Variants in ODAD3 observed in about 807,000 individuals in gnomAD.
The protein encoded by ODAD3 is outer dynein arm docking complex subunit 3, also known as outer dynein arm-docking complex subunit 3.
A neutral mutation model predicts 70.9 loss-of-function variants in ODAD3; 57 were observed. The ratio of observed to expected loss-of-function variants is 0.80; its 90% CI spans 0.65 to 1.00. The LOEUF is 1.00. Among genes scored for constraint, ODAD3 ranks in the 50% least tolerant of loss-of-function variants. The pLI is 0.00. For synonymous variants in ODAD3, 327 were observed against 315.9 expected (o/e 1.04, Z -0.37); for missense variants, 797 against 763.9 (o/e 1.04, Z -0.51).
chr19:11,427,306 T>G (rs1219617097), intron 3 of ODAD3, among the ~76,000 whole-genome samples: 1 of 151,750 alleles, frequency 6.6e-6, no homozygotes, highest in East Asian at 1.9e-4. Flanking sequence ...TTTCGTTTTT[T>G]TTTTTTTAGA....
intron 7 of ODAD3, among the ~76,000 whole-genome samples, chr19:11,425,097 ATATATGTATATATGTG>A (rs1198976723): frequency 1.5e-5 from 2 of 132,310 alleles, no homozygotes; most frequent in Non-Finnish European, 3.1e-5. Flanking sequence ...ACATATGTGT[ATATATGTATATATGTG>A]TATATGTACA....
At chr19:11,424,531 G>A (rs11880475) in intron 7 of ODAD3, among the ~76,000 whole-genome samples, 1 of 131,052 alleles carries the variant, frequency 7.6e-6, no homozygotes, top group Non-Finnish European at 1.6e-5. Context: ...ATGTATATAT[G>A]TATATATGTG....
Position 11,422,504 on chromosome 19 carries a change from C to T in ODAD3, c.1401G>A (p.Glu467=), listed in dbSNP as rs774192251. 4 of 1,594,386 alleles carry T rather than the reference C, an allele frequency of 2.5e-6. No homozygotes were observed. Among genetic ancestry groups the T allele is most frequent in the Non-Finnish European group, 8.5e-7 (1 of 1,172,224 alleles). Residue 467 remains glutamate (E), a synonymous_variant, in exon 10 of 13, where the codon GAG becomes GAA. Coordinates refer to ENST00000356392, the MANE Select transcript of ODAD3 (RefSeq NM_145045.5). This position sits in a 1 kb window ranked among gnomAD's most constrained non-coding sequence, Gnocchi z 4.6. ...TGTGGATCAGCTTGCTGGCCAGGTGCTCCAGGCTGTCCTTGGCCACTTGCA... is the reference window on the plus strand; with the variant it reads ...TGTGGATCAGCTTGCTGGCCAGGTGTTCCAGGCTGTCCTTGGCCACTTGCA... ...RAMQVAKDSL[E]HLASKLIHIT...
chr19:11,427,413 A>G (rs34101), intron 3 of ODAD3, among the ~76,000 whole-genome samples: 22,305 of 145,918 alleles, frequency 0.15, 3,347 homozygotes, highest in African/African-American at 0.4. Flanking sequence ...TCCTGCCTCA[A>G]CCTCCCGAGT....
At chr19:11,432,245 ATTTTC>A (rs762542313) in intron 1 of ODAD3, among the ~76,000 whole-genome samples, 2 of 152,088 alleles carry the variant, frequency 1.3e-5, no homozygotes, top group Middle Eastern at 3.4e-3. Flanking sequence ...GGACTGTTGT[ATTTTC>A]TTTTCTTTTC....
Position 11,426,273 on chromosome 19 carries a change from G to T in ODAD3, c.841-7C>A. ...CTAGGTACTGCAGCTGGTTCTGGAGGGCGGGCAGGGTAGCAGGGAGACCAG... is the reference window on the plus strand; with the variant it reads ...CTAGGTACTGCAGCTGGTTCTGGAGTGCGGGCAGGGTAGCAGGGAGACCAG... On this transcript the variant is annotated splice_region_variant and splice_polypyrimidine_tract_variant and intron_variant, in intron 6 of 12. Coordinates refer to ENST00000356392, the MANE Select transcript of ODAD3 (RefSeq NM_145045.5). The T allele has an allele frequency of 6.2e-7, 1 of 1,613,650 alleles. No homozygotes were observed. Among genetic ancestry groups the T allele is most frequent in the Non-Finnish European group, 8.5e-7 (1 of 1,179,852 alleles).
chr19:11,421,350 C>T (rs529719581), intron 11 of ODAD3, 138 bp from the exon 12 acceptor site: 3 of 802,360 alleles, frequency 3.7e-6, no homozygotes, highest in Admixed American at 5.5e-5. Context: ...CCCATCCCTC[C>T]TTAAGCAGGC....
intron 1 of ODAD3, chr19:11,431,222 C>T (rs1204506424): frequency 1.0e-5 from 6 of 579,434 alleles, no homozygotes; most frequent in African/African-American, 9.4e-5. Flanking sequence ...AGAGATTCTC[C>T]TGCTTCAGCC....
At chr19:11,421,617 G>A in intron 11 of ODAD3, 60 bp downstream of exon 11, 3 of 1,547,130 alleles carry the variant, frequency 1.9e-6, no homozygotes, top group Non-Finnish European at 2.6e-6. Context: ...CGGTTCCCTG[G>A]TTTTCCGACC....
chr19:11,425,369 GTA>G lies in ODAD3; in HGVS notation c.963+773_963+774del, dbSNP rs1163978025. ...TATATATGTGTATATGTACATATGT[GTA>G]TATATGTGTGTATGTACATATGTGT... On this transcript the variant is annotated intron_variant, in intron 7 of 12. Coordinates refer to ENST00000356392, the MANE Select transcript of ODAD3 (RefSeq NM_145045.5). Among the ~76,000 whole-genome samples, 456 of 118,232 alleles carry G rather than the reference GTA, an allele frequency of 3.9e-3. 26 individuals are homozygous for G. Among genetic ancestry groups the G allele is most frequent in the Non-Finnish European group, 6.6e-3 (360 of 54,622 alleles). The allele number at this position is 118,232 out of a possible 152,430, so 77.6% of individuals were successfully genotyped here.
chr19:11,421,480 GC>G (rs1383696868), intron 11 of ODAD3, among the ~76,000 whole-genome samples, 196 bp downstream of exon 11: 37 of 152,112 alleles, frequency 2.4e-4, no homozygotes. Context: ...CACAGGACCC[GC>G]CTGCACCTCT....
Position 11,420,788 on chromosome 19 carries a change from G to A in ODAD3, c.*47C>T, listed in dbSNP as rs552920687. 1.3e-6 allele frequency: 2 copies of A among 1,525,046 alleles called. No homozygotes were observed. The highest frequency in any genetic ancestry group is 4.5e-5 in the East Asian group (2 of 44,490). The allele number at this position is 1,525,046 out of a possible 1,614,324, so 94.5% of individuals were successfully genotyped here. ...CGTGGGGCCTGCGCTAGACCCGGAG[G>A]GATCGGGGGCTCCGAAGGGGGCCGC... On this transcript the variant is annotated 3_prime_UTR_variant, in exon 13 of 13. Transcript: ENST00000356392.
Position 11,424,646 on chromosome 19 carries a change from T to C in ODAD3, c.964-617A>G, listed in dbSNP as rs1232441659. On this transcript the variant is annotated intron_variant, in intron 7 of 12. Coordinates refer to ENST00000356392, the MANE Select transcript of ODAD3 (RefSeq NM_145045.5). ...GTGTATATATGTATATATGTGTATA[T>C]ATACCTATGTGTATATATGTATATA... 8.2e-3 allele frequency among the ~76,000 whole-genome samples: 914 copies of C among 111,360 alleles called. 12 individuals carry two copies. The highest frequency in any genetic ancestry group is 0.012 in the Non-Finnish European group (723 of 61,120). 73.1% of individuals were successfully genotyped at this position (111,360 alleles called of 152,430 possible).
Position 11,421,117 on chromosome 19 carries a change from C to A in ODAD3, c.1675+11G>T, listed in dbSNP as rs1425473915. 4 of 1,613,240 alleles carry A rather than the reference C, an allele frequency of 2.5e-6. No individual in the cohort carries two copies. Among genetic ancestry groups the A allele is most frequent in the Non-Finnish European group, 3.4e-6 (4 of 1,179,780 alleles). ...CCAACCGCACCCCTTCATCCCCCCACCCATACTGACCAAAAAACTTGTCCT... is the reference window on the plus strand; with the variant it reads ...CCAACCGCACCCCTTCATCCCCCCAACCATACTGACCAAAAAACTTGTCCT... On this transcript the variant is annotated intron_variant, in intron 12 of 12. Transcript: ENST00000356392.
chr19:11,430,617 T>G, intron 3 of ODAD3, 82 bp downstream of exon 3: 1 of 1,278,372 alleles, frequency 7.8e-7, no homozygotes, highest in Non-Finnish European at 1.1e-6. Context: ...GCAGGAAGGA[T>G]TGGAGAGGGT....
At position 11,421,770 on chromosome 19, in the gene ODAD3, C is replaced by A. The variant is rs751016897; in HGVS notation, c.1497G>T (p.Leu499=). 1.9e-6 allele frequency: 3 copies of A among 1,613,320 alleles called. No homozygotes were observed. The highest frequency in any genetic ancestry group is 1.1e-5 in the South Asian group (1 of 91,096). The part of the protein sequence containing the change: ...DPQADNYVPN[L]LGLVEEKLLK... ...GCAGCTTTTCCTCCACGAGGCCCAG[C>A]AGGTTTGGCACATAGTTATCTGCCT... The change falls in exon 11 of 13, where the codon CTG becomes CTT. Residue 499 remains leucine, a synonymous_variant. Transcript: ENST00000356392.
At chr19:11,425,954 G>C (rs2144770143) in intron 7 of ODAD3, among the ~76,000 whole-genome samples, 190 bp downstream of exon 7, 1 of 151,206 alleles carries the variant, frequency 6.6e-6, no homozygotes, top group Middle Eastern at 3.4e-3. Flanking sequence ...GCTTAGGAGG[G>C]GAGGGGAGGA....
chr19:11,421,451 C>T (rs1969132702), intron 11 of ODAD3, among the ~76,000 whole-genome samples: 1 of 152,190 alleles, frequency 6.6e-6, no homozygotes, highest in Admixed American at 6.5e-5. Flanking sequence ...CCGGATACCC[C>T]AGCCGCGTCC....
chr19:11,435,638 T>C (rs1234319803), upstream of ODAD3: 4 of 1,254,994 alleles, frequency 3.2e-6, no homozygotes, highest in Non-Finnish European at 4.2e-6. Context: ...CCGCTTTCTT[T>C]CTGCAGCAGG....
Sources: gnomAD v4.1 joint callset for allele counts (sites outside exome capture counted in the v4.1 genomes callset) on GRCh38, gnomAD v4.1.1 for gene constraint, Gnocchi (gnomAD v3.1) non-coding constraint, MANE v1.5 for transcripts, NCBI Gene and HGNC (gene_info 2026-07-23, HGNC 2026-07-21) for gene names.